Variants in PRKN observed in about 807,000 individuals in gnomAD.
The protein encoded by PRKN is parkin RBR E3 ubiquitin protein ligase, also known as E3 ubiquitin-protein ligase parkin.
A neutral mutation model predicts 59.5 loss-of-function variants in PRKN; 56 were observed. That is an observed-to-expected ratio of 0.94 (90% CI 0.76 to 1.18). The LOEUF (loss-of-function observed/expected upper bound fraction) is 1.18, where lower values mean the gene tolerates loss of function less well. PRKN is among the 50% of genes most tolerant of loss of function. The pLI is 0.00. For missense variants in PRKN, 657 were observed against 596.4 expected (o/e 1.10, Z -1.06); for synonymous variants, 250 against 222.1 (o/e 1.13, Z -1.12).
Position 162,522,250 on chromosome 6 carries a change from A to T in PRKN, c.8-78777T>A, listed in dbSNP as rs566506809. Among the ~76,000 whole-genome samples the T allele has an allele frequency of 5.2e-4, 79 of 152,290 alleles. 1 individual carries two copies. The highest frequency in any genetic ancestry group is 9.9e-4 in the Non-Finnish European group (67 of 68,012). On this transcript the variant is annotated intron_variant, in intron 1 of 11. Transcript: ENST00000366898. ...GCCATCCTCCAAACTCAGCCTCCCA[A>T]GTAGCTGGGACTACAGGCTCAGACA...
At chr6:161,639,758 C>T (rs1783668907) in intron 7 of PRKN, among the ~76,000 whole-genome samples, 1 of 152,206 alleles carries the variant, frequency 6.6e-6, no homozygotes, top group South Asian at 2.1e-4. Context: ...ACAGTCAACT[C>T]TGTCTCAGTT....
Position 162,383,259 on chromosome 6 carries a change from A to G in PRKN, c.171+60051T>C, listed in dbSNP as rs868780249. ...AGGCATCCCTACCTATGGCAGTTAT[A>G]GCCTAATGAAATGTATTTCTTGAAT... On this transcript the variant is annotated intron_variant, in intron 2 of 11. Transcript: ENST00000366898. Among the ~76,000 whole-genome samples the G allele has an allele frequency of 2.0e-4, 30 of 152,226 alleles. 1 individual carries two copies. The highest frequency in any genetic ancestry group is 8.5e-4 in the Admixed American group (13 of 15,284).
intron 5 of PRKN, among the ~76,000 whole-genome samples, chr6:162,023,453 G>A (rs1308485812): frequency 1.3e-5 from 2 of 152,024 alleles, no homozygotes; most frequent in East Asian, 1.9e-4. Flanking sequence ...CCCTGGAGTC[G>A]GGCTGCTTCG....
chr6:161,874,759 A>G (rs1314576111), intron 6 of PRKN, among the ~76,000 whole-genome samples: 2 of 121,956 alleles, frequency 1.6e-5, no homozygotes, highest in East Asian at 2.7e-4. Context: ...TATAATATAT[A>G]TAAAATATAT....
intron 1 of PRKN, among the ~76,000 whole-genome samples, chr6:162,548,008 C>T (rs1401566361): frequency 6.6e-6 from 1 of 152,144 alleles, no homozygotes; most frequent in Non-Finnish European, 1.5e-5. Flanking sequence ...ACACCATTAA[C>T]CTCCCTCCTG....
chr6:162,288,611 A>G (rs1781298480), intron 2 of PRKN, among the ~76,000 whole-genome samples: 1 of 152,164 alleles, frequency 6.6e-6, no homozygotes, highest in Non-Finnish European at 1.5e-5. Context: ...GCTGCAAGAA[A>G]GTGAACTTCT....
chr6:161,511,405 A>G (rs1170874723), intron 9 of PRKN, among the ~76,000 whole-genome samples: 3 of 152,242 alleles, frequency 2.0e-5, no homozygotes, highest in African/African-American at 2.4e-5. Context: ...AAACCGCACG[A>G]GGCCTAAGAC....
chr6:161,880,838 G>A (rs57810888), intron 6 of PRKN, among the ~76,000 whole-genome samples: 2,738 of 152,218 alleles, frequency 0.018, 78 homozygotes, highest in African/African-American at 0.063. Flanking sequence ...AAAGAGCAGC[G>A]GCCCTTGTTC....
At chr6:162,569,595 G>A (rs1583824820) in intron 1 of PRKN, 2 of 716,396 alleles carry the variant, frequency 2.8e-6, no homozygotes, top group Middle Eastern at 3.9e-4. Context: ...TATGGCCTGG[G>A]CTCCAGCTTT....
intron 7 of PRKN, among the ~76,000 whole-genome samples, chr6:161,639,007 G>T (rs989974818): frequency 9.2e-5 from 14 of 152,100 alleles, no homozygotes; most frequent in African/African-American, 3.4e-4. Context: ...CTCCCAAAGT[G>T]CTGGGATTAC....
chr6:162,417,363 C>T (rs905283254), intron 2 of PRKN, among the ~76,000 whole-genome samples: 2 of 152,158 alleles, frequency 1.3e-5, no homozygotes, highest in African/African-American at 2.4e-5. Context: ...TTTCCTGCCC[C>T]CGGCAGCCGG....
At chr6:161,995,356 G>C (rs1368853219) in intron 5 of PRKN, among the ~76,000 whole-genome samples, 1 of 152,042 alleles carries the variant, frequency 6.6e-6, no homozygotes, top group Non-Finnish European at 1.5e-5. Context: ...CATTGGTCTA[G>C]GCAAAGATTT....
chr6:162,688,959 A>G (rs1040143515), intron 1 of PRKN, among the ~76,000 whole-genome samples: 1 of 152,230 alleles, frequency 6.6e-6, no homozygotes, highest in African/African-American at 2.4e-5. Context: ...GCTAAACCAA[A>G]GATAGGAGAG....
At chr6:162,343,967 T>C (rs914492919) in intron 2 of PRKN, among the ~76,000 whole-genome samples, 5 of 152,174 alleles carry the variant, frequency 3.3e-5, no homozygotes, top group Non-Finnish European at 7.3e-5. Context: ...AGAAACGTGG[T>C]CTGTGGTCAC....
At position 161,400,310 on chromosome 6, in the gene PRKN, CTTT is replaced by C. The variant is rs550312048; in HGVS notation, c.1084-13436_1084-13434del. On this transcript the variant is annotated intron_variant, in intron 9 of 11. Coordinates refer to ENST00000366898, the MANE Select transcript of PRKN (RefSeq NM_004562.3). The surrounding 1 kb of genome is among the most constrained non-coding windows in gnomAD (Gnocchi z 4.2). Reference sequence around the variant, plus strand: ...GGAAGATTAGAAAATTAAACCTAATCTTTTTTTTTTTTTTGAGATGGAATTTCA... The same window carrying C: ...GGAAGATTAGAAAATTAAACCTAATCTTTTTTTTTTTGAGATGGAATTTCA... 1.4e-5 allele frequency among the ~76,000 whole-genome samples: 2 copies of C among 144,616 alleles called. No homozygotes were observed. The highest frequency in any genetic ancestry group is 3.0e-5 in the Non-Finnish European group (2 of 65,606). The allele number at this position is 144,616 out of a possible 152,430, so 94.9% of individuals were successfully genotyped here.
intron 2 of PRKN, among the ~76,000 whole-genome samples, chr6:162,425,063 GA>G (rs59878220): frequency 0.41 from 59,977 of 147,508 alleles, 12,027 homozygotes; most frequent in East Asian, 0.58. Context: ...GGATTGACTA[GA>G]AAAAAAAAAA....
At chr6:161,609,556 G>C (rs1056593988) in intron 7 of PRKN, among the ~76,000 whole-genome samples, 7 of 152,182 alleles carry the variant, frequency 4.6e-5, no homozygotes, top group Non-Finnish European at 5.9e-5. Flanking sequence ...ATGAAATATT[G>C]AAATTAAATA....
chr6:161,875,039 T>TGA, intron 6 of PRKN, among the ~76,000 whole-genome samples: 1 of 116,994 alleles, frequency 8.5e-6, no homozygotes, highest in African/African-American at 3.7e-5. Flanking sequence ...ATATAATAAA[T>TGA]TATATATTAT....
rs1024158359 is a variant in PRKN at position 162,417,709 on chromosome 6, T to C, written c.171+25601A>G. Among the ~76,000 whole-genome samples, 12 of 152,216 alleles carry C rather than the reference T, an allele frequency of 7.9e-5. No individual in the cohort carries two copies. The South Asian group carries it at 1.4e-3, about 18-fold the overall frequency. ...GTGTAACAACACTTCTCCCAGATAA[T>C]GTCCGTTAACGTTTATGGCTTTCGG... On this transcript the variant is annotated intron_variant, in intron 2 of 11. Coordinates refer to ENST00000366898, the MANE Select transcript of PRKN (RefSeq NM_004562.3).
Sources: allele counts gnomAD v4.1 joint callset (sites outside exome capture counted in the v4.1 genomes callset), GRCh38; gene constraint gnomAD v4.1.1; non-coding constraint Gnocchi (gnomAD v3.1); transcripts MANE v1.5; gene names NCBI Gene and HGNC (gene_info 2026-07-23, HGNC 2026-07-21).